CNR2: variants seen among roughly 807,000 people sequenced by gnomAD.
The protein encoded by CNR2 is cannabinoid receptor 2, also known as cannabinoid receptor 2 (macrophage).
For synonymous variants in CNR2, 172 were observed against 182.2 expected (o/e 0.94, Z 0.45); for missense variants, 379 against 439.9 (o/e 0.86, Z 1.24).
chr1:23,888,519 G>A (rs957542465), intron 1 of CNR2, among the ~76,000 whole-genome samples: 3 of 152,150 alleles, frequency 2.0e-5, no homozygotes, highest in South Asian at 4.1e-4. Flanking sequence ...TTTTGGTTGG[G>A]GTAGAAGGAT....
At chr1:23,902,723 C>A in intron 1 of CNR2, 2 of 1,577,754 alleles carry the variant, frequency 1.3e-6, no homozygotes, top group Non-Finnish European at 1.7e-6. Context: ...GCGCGTTCCT[C>A]TCGCGCAGCG....
intron 1 of CNR2, among the ~76,000 whole-genome samples, chr1:23,896,884 T>TG (rs1464265450): frequency 6.7e-6 from 1 of 150,030 alleles, no homozygotes; most frequent in Non-Finnish European, 1.5e-5. Flanking sequence ...CAGGAGTGTT[T>TG]TTTTTTTTTT....
rs1206612351 is a variant in CNR2, at chr1:23,885,876, C to A, written c.-45-10214G>T. Among the ~76,000 whole-genome samples the A allele has an allele frequency of 1.3e-4, 15 of 112,144 alleles. 1 individual carries two copies. The highest frequency in any genetic ancestry group is 5.2e-4 in the African/African-American group (15 of 28,814). The allele number at this position is 112,144 out of a possible 152,430, so 73.6% of individuals were successfully genotyped here. A position where few individuals can be genotyped will look rare whatever the true frequency, so the allele number is the denominator to read the frequency against. On this transcript the variant is annotated intron_variant, in intron 1 of 1. Transcript: ENST00000374472. ...CTGGGCGACATAGCGAGAATCTGTC[C>A]TAGGAAAGAAAAAGGGTGGCGGCGG...
intron 1 of CNR2, among the ~76,000 whole-genome samples, chr1:23,885,725 A>G (rs1435855873): frequency 6.6e-6 from 1 of 152,006 alleles, no homozygotes; most frequent in Non-Finnish European, 1.5e-5. Context: ...TAAAACTACA[A>G]AAATTGACCA....
intron 1 of CNR2, among the ~76,000 whole-genome samples, chr1:23,881,465 C>G (rs1423187332): frequency 6.6e-6 from 1 of 151,438 alleles, no homozygotes; most frequent in East Asian, 1.9e-4. Flanking sequence ...TGGTGGTGCA[C>G]ACCTGTAATC....
intron 1 of CNR2, among the ~76,000 whole-genome samples, chr1:23,879,262 C>G (rs1464748034): frequency 6.6e-6 from 1 of 152,092 alleles, no homozygotes; most frequent in African/African-American, 2.4e-5. Flanking sequence ...CCACTGCACT[C>G]CAGCCTGGGT....
intron 1 of CNR2, among the ~76,000 whole-genome samples, chr1:23,891,619 C>CA (rs771509283): frequency 0.38 from 11,728 of 31,020 alleles, 904 homozygotes; most frequent in East Asian, 0.54. Flanking sequence ...AACTCCATCT[C>CA]AAAAAAAAAA....
chr1:23,882,326 T>C (rs4262478), intron 1 of CNR2, among the ~76,000 whole-genome samples: 2,319 of 152,200 alleles, frequency 0.015, 51 homozygotes, highest in African/African-American at 0.051. Context: ...AAACCTATGA[T>C]GACATTGTCA....
chr1:23,891,786 G>A (rs2502965), intron 1 of CNR2, among the ~76,000 whole-genome samples: 128,650 of 152,078 alleles, frequency 0.85, 54,521 homozygotes, highest in Admixed American at 0.86. Flanking sequence ...CTTGCTTCCT[G>A]GATTGTGAGC....
chr1:23,911,572 G>A (rs894906295), intron 1 of CNR2, among the ~76,000 whole-genome samples: 1 of 152,288 alleles, frequency 6.6e-6, no homozygotes, highest in South Asian at 2.1e-4. Flanking sequence ...CCAGTAGGAT[G>A]AGGCTCAGGG....
At chr1:23,889,509 A>G (rs1016186903) in intron 1 of CNR2, among the ~76,000 whole-genome samples, 3 of 152,130 alleles carry the variant, frequency 2.0e-5, no homozygotes, top group African/African-American at 7.2e-5. Flanking sequence ...AAAAAAATAT[A>G]GATAGTGTCT....
In CNR2 at chr1:23,872,873, T is replaced by C. The variant is rs2502994; in HGVS notation, c.*1662A>G. 95,972 of 151,586 alleles carry C rather than the reference T, an allele frequency of 0.63. 30,767 individuals are homozygous for C. Among genetic ancestry groups the C allele is most frequent in the African/African-American group, 0.75 (31,190 of 41,316 alleles). 9.4% of individuals were successfully genotyped at this position (151,586 alleles called of 1,614,324 possible). A position where few individuals can be genotyped will look rare whatever the true frequency, so the allele number is the denominator to read the frequency against. Reference sequence around the variant, plus strand: ...AACCTGCATATTTCCTTTGTTGTACTGCCTGTAATTATCTTCTTTATTGAC... The same window carrying C: ...AACCTGCATATTTCCTTTGTTGTACCGCCTGTAATTATCTTCTTTATTGAC... On this transcript the variant is annotated 3_prime_UTR_variant, in exon 2 of 2. Coordinates refer to ENST00000374472, the MANE Select transcript of CNR2 (RefSeq NM_001841.3).
intron 1 of CNR2, among the ~76,000 whole-genome samples, chr1:23,888,737 G>T (rs1276310103): frequency 2.0e-5 from 3 of 152,164 alleles, no homozygotes; most frequent in African/African-American, 7.2e-5. Flanking sequence ...TTGGGAGGCC[G>T]AGGAGGGCAG....
rs1025447583 is a variant in CNR2, at chr1:23,871,421, T to G, written c.*3114A>C. On this transcript the variant is annotated 3_prime_UTR_variant, in exon 2 of 2. Transcript: ENST00000374472. The stretch of plus-strand genomic sequence containing the variant: ...AACATGCAAATTCACTTTTAAACAT[T>G]TATGCTACTTGTTTGCCTTACAAAA... The G allele has an allele frequency of 6.6e-6, 1 of 152,182 alleles. No individual in the cohort carries two copies. Among genetic ancestry groups the G allele is most frequent in the Non-Finnish European group, 1.5e-5 (1 of 68,028 alleles). The allele number at this position is 152,182 out of a possible 1,614,324, so 9.4% of individuals were successfully genotyped here.
At chr1:23,892,972 C>T (rs528477093) in intron 1 of CNR2, among the ~76,000 whole-genome samples, 49 of 152,212 alleles carry the variant, frequency 3.2e-4, no homozygotes, top group African/African-American at 1.1e-3. Flanking sequence ...GCAGAGATCG[C>T]ACCATTGCAC....
intron 1 of CNR2, among the ~76,000 whole-genome samples, chr1:23,911,048 C>G (rs1442838351): frequency 6.6e-6 from 1 of 151,530 alleles, no homozygotes; most frequent in Non-Finnish European, 1.5e-5. Context: ...TCTCGTGGCT[C>G]GGGGACTTTT....
chr1:23,885,873 G>A (rs1448475649), intron 1 of CNR2, among the ~76,000 whole-genome samples: 2 of 120,424 alleles, frequency 1.7e-5, no homozygotes, highest in Admixed American at 9.4e-5. Context: ...GCGAGAATCT[G>A]TCCTAGGAAA....
chr1:23,881,687 G>A (rs919781991), intron 1 of CNR2, among the ~76,000 whole-genome samples: 3 of 151,502 alleles, frequency 2.0e-5, no homozygotes, highest in Non-Finnish European at 2.9e-5. Flanking sequence ...TAGGGAGTTC[G>A]AGATCAGCCT....
In CNR2 at chr1:23,875,068, G is replaced by A. The variant is rs1177444347; in HGVS notation, c.550C>T (p.Pro184Ser). Residue 184 changes from proline to serine, a missense_variant, in exon 2 of 2, where the codon CCA becomes TCA. By Grantham distance (74) the Pro-to-Ser change is moderately conservative. Transcript: ENST00000374472. ...AGCAGGTAGTCATTGGGGATCAGTG[G>A]GAAAAGCTCAGAGCAGGGCCTGGGA... ...CCPRPCSELF[P>S]LIPNDYLLSW... is the part of the protein sequence containing the mutation. 6.2e-7 allele frequency: 1 copy of A among 1,602,228 alleles called. No homozygotes were observed. Among genetic ancestry groups the A allele is most frequent in the East Asian group, 2.2e-5 (1 of 44,830 alleles).
Sources: allele counts gnomAD v4.1 joint callset (sites outside exome capture counted in the v4.1 genomes callset), GRCh38; gene constraint gnomAD v4.1.1; transcripts MANE v1.5; gene names NCBI Gene and HGNC (gene_info 2026-07-23, HGNC 2026-07-21).